The following THSD7B variants were observed in gnomAD, a reference collection of about 807,000 sequenced individuals.
The protein encoded by THSD7B is thrombospondin type 1 domain containing 7B.
In THSD7B, 138 loss-of-function variants were observed where a neutral mutation model predicts 213.6. The ratio of observed to expected loss-of-function variants is 0.65; its 90% confidence interval spans 0.56 to 0.74. The LOEUF (loss-of-function observed/expected upper bound fraction) is 0.74, where lower values mean the gene tolerates loss of function less well. THSD7B is among the 30% of genes least tolerant of loss of function. THSD7B has a pLI of 0.00. For missense variants in THSD7B, 1,931 were observed against 1,991.5 expected (o/e 0.97, Z 0.58); for synonymous variants, 742 against 687.0 (o/e 1.08, Z -1.25).
At chr2:137,016,059 G>T (rs1208698251) in intron 2 of THSD7B, among the ~76,000 whole-genome samples, 1 of 152,160 alleles carries the variant, frequency 6.6e-6, no homozygotes, top group Non-Finnish European at 1.5e-5. Context: ...CATTTGTTCA[G>T]TGCTTACTGT....
At chr2:136,934,815 T>G (rs1326607211) in intron 2 of THSD7B, among the ~76,000 whole-genome samples, 1 of 152,194 alleles carries the variant, frequency 6.6e-6, no homozygotes, top group African/African-American at 2.4e-5. Context: ...CCTTTTCTTT[T>G]GAGTGCATTT....
chr2:137,350,946 T>A (rs555610041), intron 12 of THSD7B, among the ~76,000 whole-genome samples: 2 of 151,986 alleles, frequency 1.3e-5, no homozygotes, highest in Admixed American at 6.6e-5. Context: ...ACTGGAAAGA[T>A]CATCAGTTGA....
chr2:137,264,415 A>AT (rs1411865367), intron 10 of THSD7B, among the ~76,000 whole-genome samples: 1 of 151,738 alleles, frequency 6.6e-6, no homozygotes, highest in Non-Finnish European at 1.5e-5. Context: ...ACCATGCCTA[A>AT]TTTTTTGTAT....
intron 9 of THSD7B, among the ~76,000 whole-genome samples, chr2:137,240,288 T>C (rs983973879): frequency 2.0e-5 from 3 of 152,234 alleles, no homozygotes; most frequent in African/African-American, 7.2e-5. Context: ...AAACAAAATT[T>C]ATTCGTCTCT....
chr2:137,271,054 A>T (rs1682721264), intron 10 of THSD7B, among the ~76,000 whole-genome samples: 1 of 152,026 alleles, frequency 6.6e-6, no homozygotes, highest in Non-Finnish European at 1.5e-5. Context: ...TTTTAAATGC[A>T]TATATAATTT....
chr2:137,373,932 C>T (rs1185141199), intron 12 of THSD7B, among the ~76,000 whole-genome samples: 1 of 152,140 alleles, frequency 6.6e-6, no homozygotes, highest in African/African-American at 2.4e-5. Context: ...GCCAGTTTTC[C>T]CAGCACCATT....
chr2:136,774,385 G>A (rs1337102556), intron 1 of THSD7B, among the ~76,000 whole-genome samples: 1 of 152,044 alleles, frequency 6.6e-6, no homozygotes, highest in Non-Finnish European at 1.5e-5. Context: ...CTGGTAGGTA[G>A]CATTCTTCTC....
intron 5 of THSD7B, among the ~76,000 whole-genome samples, chr2:137,125,122 C>A: frequency 6.6e-6 from 1 of 152,104 alleles, no homozygotes; most frequent in Admixed American, 6.6e-5. Flanking sequence ...TTATTGGACC[C>A]TTCATCATCT....
chr2:137,392,823 T>C (rs1406744540), intron 12 of THSD7B, among the ~76,000 whole-genome samples: 1 of 152,114 alleles, frequency 6.6e-6, no homozygotes, highest in Non-Finnish European at 1.5e-5. Flanking sequence ...TCCTGTCATA[T>C]TTGTCTTTAG....
intron 12 of THSD7B, among the ~76,000 whole-genome samples, chr2:137,366,262 G>T (rs929426212): frequency 6.6e-6 from 1 of 152,010 alleles, no homozygotes; most frequent in African/African-American, 2.4e-5. Context: ...GATGAGGATG[G>T]GATAGCATTG....
chr2:137,412,521 C>CG (rs34211679), intron 14 of THSD7B, among the ~76,000 whole-genome samples: 84,549 of 144,396 alleles, frequency 0.59, 27,015 homozygotes, highest in East Asian at 0.78. Flanking sequence ...TGCTTGAACC[C>CG]GGGGGGCAGA....
intron 14 of THSD7B, among the ~76,000 whole-genome samples, chr2:137,444,694 G>A (rs994390303): frequency 1.3e-4 from 20 of 151,998 alleles, no homozygotes; most frequent in African/African-American, 4.8e-4. Flanking sequence ...AAATGCTCCA[G>A]GACATTGGTC....
chr2:136,891,811 A>T (rs1683864862), intron 2 of THSD7B, among the ~76,000 whole-genome samples: 1 of 152,164 alleles, frequency 6.6e-6, no homozygotes, highest in Non-Finnish European at 1.5e-5. Flanking sequence ...GTAATAGCTC[A>T]CCCCAAAATA....
intron 9 of THSD7B, among the ~76,000 whole-genome samples, chr2:137,235,328 A>G (rs1199890215): frequency 5.3e-5 from 8 of 152,234 alleles, no homozygotes; most frequent in Non-Finnish European, 7.3e-5. Flanking sequence ...TATTCTTTAT[A>G]GTGATGAAAA....
chr2:137,175,070 A>C (rs2104999248), intron 7 of THSD7B, among the ~76,000 whole-genome samples: 1 of 152,088 alleles, frequency 6.6e-6, no homozygotes, highest in South Asian at 2.1e-4. Flanking sequence ...AGTTGGAAAA[A>C]CCCTCATAAT....
At chr2:137,583,936 G>A (rs928880525) in intron 17 of THSD7B, among the ~76,000 whole-genome samples, 1 of 152,048 alleles carries the variant, frequency 6.6e-6, no homozygotes, top group Non-Finnish European at 1.5e-5. Context: ...GGCAGTATGG[G>A]CATTTTCATG....
At chr2:137,514,414 T>C (rs1415015023) in intron 15 of THSD7B, among the ~76,000 whole-genome samples, 3 of 152,194 alleles carry the variant, frequency 2.0e-5, no homozygotes, top group African/African-American at 7.2e-5. Context: ...TCCTTGAACA[T>C]TGGACTCCAA....
chr2:137,262,440 G>T (rs897335503), intron 10 of THSD7B, among the ~76,000 whole-genome samples: 2 of 151,652 alleles, frequency 1.3e-5, no homozygotes, highest in South Asian at 2.1e-4. Context: ...AAAATGAAAG[G>T]GGTCAGGATT....
chr2:137,423,352 A>G (rs1686969320), intron 14 of THSD7B, among the ~76,000 whole-genome samples: 1 of 152,118 alleles, frequency 6.6e-6, no homozygotes, highest in Non-Finnish European at 1.5e-5. Flanking sequence ...GTTAAACTAC[A>G]TCTATTGGCA....
Sources: allele counts gnomAD v4.1 joint callset (sites outside exome capture counted in the v4.1 genomes callset), GRCh38; gene constraint gnomAD v4.1.1; transcripts MANE v1.5; gene names NCBI Gene and HGNC (gene_info 2026-07-23, HGNC 2026-07-21).